TWSG1: variants seen among roughly 807,000 people sequenced by gnomAD.
The protein encoded by TWSG1 is twisted gastrulation BMP signaling modulator 1, also known as twisted gastrulation protein homolog 1.
A neutral mutation model predicts 23.0 loss-of-function variants in TWSG1; 15 were observed. That is an observed-to-expected ratio of 0.65 (90% confidence interval 0.44 to 1.00). TWSG1 has a LOEUF of 1.00. Among genes scored for constraint, TWSG1 ranks in the 50% least tolerant of loss-of-function variants. The probability of loss-of-function intolerance (pLI) is 0.00; values close to 1 mark genes in which losing one functional copy is unlikely to be tolerated. For synonymous variants in TWSG1, 86 were observed against 92.8 expected (o/e 0.93, Z 0.42); for missense variants, 242 against 278.7 (o/e 0.87, Z 0.94).
chr18:9,399,764 T>C lies in TWSG1; in HGVS notation c.*237T>C. The C allele has an allele frequency of 8.7e-6, 3 of 343,916 alleles. No individual in the cohort carries two copies. The highest frequency in any genetic ancestry group is 1.6e-5 in the Non-Finnish European group (3 of 192,392). 21.3% of individuals were successfully genotyped at this position (343,916 alleles called of 1,614,324 possible). On this transcript the variant is annotated 3_prime_UTR_variant, in exon 5 of 5. Transcript: ENST00000262120. ...TTTCCTTTGAATACATGTACAACTT[T>C]GGTCATATGAGAAGCAGGTGCGCAG...
In TWSG1 at chr18:9,400,337, A is replaced by G. The variant is rs1445755443; in HGVS notation, c.*810A>G. 1 of 152,216 alleles carries G rather than the reference A, an allele frequency of 6.6e-6. No individual in the cohort carries two copies. The highest frequency in any genetic ancestry group is 6.5e-5 in the Admixed American group (1 of 15,284). The allele number at this position is 152,216 out of a possible 1,614,324, so 9.4% of individuals were successfully genotyped here. A position where few individuals can be genotyped will look rare whatever the true frequency, so the allele number is the denominator to read the frequency against. ...TCTGTGACTTCAGGTACCAGCTTAA[A>G]GAGCACTAGGGATGGGGAACGAATG... On this transcript the variant is annotated 3_prime_UTR_variant, in exon 5 of 5. Transcript: ENST00000262120.
intron 3 of TWSG1, among the ~76,000 whole-genome samples, chr18:9,392,599 A>G (rs1222498139): frequency 1.3e-5 from 2 of 152,210 alleles, no homozygotes; most frequent in Non-Finnish European, 1.5e-5. Flanking sequence ...CATTTCCTTC[A>G]AGAACTTTTC....
At chr18:9,390,872 G>A (rs1013853446) in intron 3 of TWSG1, among the ~76,000 whole-genome samples, 1 of 152,138 alleles carries the variant, frequency 6.6e-6, no homozygotes, top group Non-Finnish European at 1.5e-5. Flanking sequence ...AATTAGCTGG[G>A]CGTGGTGGTG....
intron 3 of TWSG1, among the ~76,000 whole-genome samples, chr18:9,379,563 C>T (rs1019072750): frequency 2.0e-5 from 3 of 152,088 alleles, no homozygotes; most frequent in African/African-American, 7.2e-5. Context: ...CTACTGGGTA[C>T]TATGCTTGGT....
At chr18:9,392,297 C>T (rs1318736184) in intron 3 of TWSG1, among the ~76,000 whole-genome samples, 1 of 152,226 alleles carries the variant, frequency 6.6e-6, no homozygotes, top group African/African-American at 2.4e-5. Flanking sequence ...TCTGAATAAC[C>T]TGCTGCAGTT....
chr18:9,392,362 CT>C (rs1187870569), intron 3 of TWSG1, among the ~76,000 whole-genome samples: 1 of 152,216 alleles, frequency 6.6e-6, no homozygotes, highest in Non-Finnish European at 1.5e-5. Flanking sequence ...GAGATGGCTT[CT>C]TTCCTTAAAC....
intron 2 of TWSG1, among the ~76,000 whole-genome samples, chr18:9,345,526 C>T (rs1050679231): frequency 6.6e-6 from 1 of 152,162 alleles, no homozygotes; most frequent in African/African-American, 2.4e-5. Flanking sequence ...ATTTCTCCCC[C>T]ACTGAGTTAT....
At chr18:9,372,127 A>G (rs2040608490) in intron 3 of TWSG1, among the ~76,000 whole-genome samples, 1 of 147,548 alleles carries the variant, frequency 6.8e-6, no homozygotes, top group Non-Finnish European at 1.5e-5. Context: ...GCAACAATGT[A>G]TTTAATTATG....
intron 1 of TWSG1, among the ~76,000 whole-genome samples, chr18:9,335,238 G>C (rs984585559): frequency 1.3e-5 from 2 of 152,204 alleles, no homozygotes; most frequent in African/African-American, 4.8e-5. Flanking sequence ...ACCGCTACCG[G>C]CCTCTGCCTC....
At chr18:9,338,729 C>G (rs2040433061) in intron 2 of TWSG1, among the ~76,000 whole-genome samples, 1 of 152,178 alleles carries the variant, frequency 6.6e-6, no homozygotes, top group South Asian at 2.1e-4. Context: ...GTGCTATGGT[C>G]AGATGAGGAG....
intron 2 of TWSG1, 90 bp downstream of exon 2, chr18:9,337,442 A>G (rs981851131): frequency 4.3e-6 from 6 of 1,396,100 alleles, no homozygotes; most frequent in Non-Finnish European, 4.9e-6. Flanking sequence ...CATATATCAT[A>G]TAGAGTAAGA....
At chr18:9,390,077 G>A (rs941232558) in intron 3 of TWSG1, among the ~76,000 whole-genome samples, 2 of 152,202 alleles carry the variant, frequency 1.3e-5, no homozygotes, top group African/African-American at 2.4e-5. Context: ...TTTGCTGGTG[G>A]AGGCTCTTGC....
intron 2 of TWSG1, among the ~76,000 whole-genome samples, chr18:9,343,260 A>ATATATC (rs2040455805): frequency 7.4e-6 from 1 of 135,340 alleles, no homozygotes; most frequent in Non-Finnish European, 1.6e-5. Context: ...ATATATATAT[A>ATATATC]TCTTGTCCTA....
At chr18:9,338,802 C>G (rs1231290830) in intron 2 of TWSG1, among the ~76,000 whole-genome samples, 1 of 152,206 alleles carries the variant, frequency 6.6e-6, no homozygotes, top group Non-Finnish European at 1.5e-5. Flanking sequence ...AATAAAGTCT[C>G]ATAACATTTG....
At position 9,401,588 on chromosome 18, in the gene TWSG1, A is replaced by C. The variant is rs556590879; in HGVS notation, c.*2061A>C. On this transcript the variant is annotated 3_prime_UTR_variant, in exon 5 of 5. Coordinates refer to ENST00000262120, the MANE Select transcript of TWSG1 (RefSeq NM_020648.6). ...ATCTTGATTTCTTTCATTAGAAACT[A>C]TCCCTAAATGTAAAGATCTTTTGCC... The C allele has an allele frequency of 6.6e-6, 1 of 152,306 alleles. No individual in the cohort carries two copies. Among genetic ancestry groups the C allele is most frequent in the South Asian group, 2.1e-4 (1 of 4,824 alleles). 9.4% of individuals were successfully genotyped at this position (152,306 alleles called of 1,614,324 possible). A position where few individuals can be genotyped will look rare whatever the true frequency, so the allele number is the denominator to read the frequency against.
At chr18:9,350,050 G>A (rs1039905607) in intron 2 of TWSG1, among the ~76,000 whole-genome samples, 3 of 152,082 alleles carry the variant, frequency 2.0e-5, no homozygotes, top group Non-Finnish European at 2.9e-5. Flanking sequence ...TGAGGCAGGA[G>A]AATCGCTTGA....
In TWSG1 at chr18:9,401,463, T is replaced by G. The variant is rs1427128783; in HGVS notation, c.*1936T>G. 2 of 151,438 alleles carry G rather than the reference T, an allele frequency of 1.3e-5. No homozygotes were observed. The highest frequency in any genetic ancestry group is 4.9e-5 in the African/African-American group (2 of 41,154). The allele number at this position is 151,438 out of a possible 1,614,324, so 9.4% of individuals were successfully genotyped here. The stretch of plus-strand genomic sequence containing the variant: ...ATATTTTAAAACTGCATTTATCATT[T>G]TTTAGGTCTTCATTAAATTTTAAAA... On this transcript the variant is annotated 3_prime_UTR_variant, in exon 5 of 5. Coordinates refer to ENST00000262120, the MANE Select transcript of TWSG1 (RefSeq NM_020648.6).
chr18:9,362,595 ATGTG>A (rs1568034467), intron 3 of TWSG1, among the ~76,000 whole-genome samples: 1 of 152,190 alleles, frequency 6.6e-6, no homozygotes, highest in Non-Finnish European at 1.5e-5. Context: ...ATGTGTATGT[ATGTG>A]TGTGAGAGTG....
At chr18:9,371,922 C>T (rs1277783251) in intron 3 of TWSG1, among the ~76,000 whole-genome samples, 1 of 151,554 alleles carries the variant, frequency 6.6e-6, no homozygotes, top group Non-Finnish European at 1.5e-5. Flanking sequence ...CACATCACCA[C>T]TCTCGGCTAA....
Sources: gnomAD v4.1 joint callset for allele counts (sites outside exome capture counted in the v4.1 genomes callset) on GRCh38, gnomAD v4.1.1 for gene constraint, MANE v1.5 for transcripts, NCBI Gene and HGNC (gene_info 2026-07-23, HGNC 2026-07-21) for gene names.